CACNA2D1: variants seen among roughly 807,000 people sequenced by gnomAD.
The protein encoded by CACNA2D1 is calcium voltage-gated channel auxiliary subunit alpha2delta 1.
In CACNA2D1, 53 loss-of-function variants were observed where a neutral mutation model predicts 171.5. That is an observed-to-expected ratio of 0.31 (90% CI 0.25 to 0.39). The LOEUF (loss-of-function observed/expected upper bound fraction) is 0.39, where lower values mean the gene tolerates loss of function less well. CACNA2D1 is among the 10% of genes least tolerant of loss of function. The probability of loss-of-function intolerance (pLI) is 1.00; values close to 1 mark genes in which losing one functional copy is unlikely to be tolerated. For synonymous variants in CACNA2D1, 442 were observed against 443.1 expected, an observed-to-expected ratio of 1.00 and a Z score of 0.03; for missense variants, 903 against 1,299.8, an observed-to-expected ratio of 0.69 and a Z score of 4.69.
chr7:82,279,194 G>A (rs1809752139), intron 3 of CACNA2D1, among the ~76,000 whole-genome samples: 1 of 152,204 alleles, frequency 6.6e-6, no homozygotes, highest in African/African-American at 2.4e-5. Flanking sequence ...TAGGTTCAGA[G>A]GGGCAATAAA....
chr7:82,143,260 C>A (rs537783953), intron 4 of CACNA2D1, among the ~76,000 whole-genome samples: 1 of 152,024 alleles, frequency 6.6e-6, no homozygotes, highest in South Asian at 2.1e-4. Context: ...GAACTGAAGA[C>A]GTGATAAACC....
At chr7:82,285,088 C>G (rs954271053) in intron 3 of CACNA2D1, among the ~76,000 whole-genome samples, 1 of 152,222 alleles carries the variant, frequency 6.6e-6, no homozygotes, top group African/African-American at 2.4e-5. Flanking sequence ...CAACCACCCC[C>G]AGTGCTGCTT....
At chr7:82,257,248 G>C (rs993650875) in intron 3 of CACNA2D1, among the ~76,000 whole-genome samples, 12 of 152,172 alleles carry the variant, frequency 7.9e-5, no homozygotes, top group African/African-American at 2.9e-4. Context: ...GAGCAAACCA[G>C]CTCTAGTCAG....
At chr7:82,056,303 T>C (rs1805899226) in intron 10 of CACNA2D1, among the ~76,000 whole-genome samples, 1 of 152,108 alleles carries the variant, frequency 6.6e-6, no homozygotes, top group South Asian at 2.1e-4. Flanking sequence ...CCTAAAAGGA[T>C]CAAGATTAGA....
intron 1 of CACNA2D1, among the ~76,000 whole-genome samples, chr7:82,432,372 A>C (rs1201710301): frequency 6.6e-6 from 1 of 152,244 alleles, no homozygotes; most frequent in Non-Finnish European, 1.5e-5. Context: ...TGCAATCCTA[A>C]CCATTCATTC....
At chr7:82,136,332 C>T (rs1318292772) in intron 5 of CACNA2D1, among the ~76,000 whole-genome samples, 2 of 152,026 alleles carry the variant, frequency 1.3e-5, no homozygotes, top group Admixed American at 6.6e-5. Context: ...GATTGGATAG[C>T]TATTTTCAAT....
chr7:82,271,769 T>G (rs1166675197), intron 3 of CACNA2D1, among the ~76,000 whole-genome samples: 1 of 152,112 alleles, frequency 6.6e-6, no homozygotes, highest in Non-Finnish European at 1.5e-5. Flanking sequence ...AGCAGCTAAT[T>G]ACAATGGAAA....
intron 3 of CACNA2D1, among the ~76,000 whole-genome samples, chr7:82,216,506 G>A (rs1801111745): frequency 6.6e-6 from 1 of 152,092 alleles, no homozygotes; most frequent in South Asian, 2.1e-4. Flanking sequence ...ATATGAAGCA[G>A]TTTATCAAAA....
intron 12 of CACNA2D1, among the ~76,000 whole-genome samples, chr7:82,026,789 A>G (rs1303122736): frequency 6.6e-6 from 1 of 151,698 alleles, no homozygotes; most frequent in Non-Finnish European, 1.5e-5. Flanking sequence ...GTACATATGT[A>G]CACTATTTTA....
chr7:82,061,033 A>G (rs1053839012), intron 9 of CACNA2D1, among the ~76,000 whole-genome samples: 2 of 152,054 alleles, frequency 1.3e-5, no homozygotes, highest in Non-Finnish European at 2.9e-5. Flanking sequence ...TTTCCTCTAC[A>G]TATTCTACAA....
At position 82,361,553 on chromosome 7, in the gene CACNA2D1, T is replaced by A. The variant is rs183356033; in HGVS notation, c.96-11904A>T. On this transcript the variant is annotated intron_variant, in intron 1 of 38. Coordinates refer to ENST00000356860, the MANE Select transcript of CACNA2D1 (RefSeq NM_000722.4). The stretch of plus-strand genomic sequence containing the variant: ...AAACATTTGCTAATGTTTAAAAAAA[T>A]TATATAATTGCGATCTTTAATGTAT... 1.9e-3 allele frequency among the ~76,000 whole-genome samples: 288 copies of A among 152,278 alleles called. 1 individual carries two copies. The highest frequency in any genetic ancestry group is 6.4e-3 in the African/African-American group (268 of 41,570).
intron 3 of CACNA2D1, among the ~76,000 whole-genome samples, chr7:82,250,748 T>A (rs10262640): frequency 0.1 from 15,872 of 152,184 alleles, 1,471 homozygotes; most frequent in African/African-American, 0.25. Flanking sequence ...ATAATGGCCC[T>A]TTTGTCTGTT....
chr7:82,181,304 ACT>A (rs1306743482), intron 3 of CACNA2D1, among the ~76,000 whole-genome samples: 1 of 151,648 alleles, frequency 6.6e-6, no homozygotes, highest in Non-Finnish European at 1.5e-5. Context: ...CTGGCTTCAG[ACT>A]CTCACTATCA....
At chr7:82,066,546 A>G in intron 7 of CACNA2D1, 22 bp from the exon 8 acceptor site, 1 of 1,580,354 alleles carries the variant, frequency 6.3e-7, no homozygotes, top group Non-Finnish European at 8.6e-7. Context: ...AAAAAAAGAG[A>G]GATATTAAAT....
intron 1 of CACNA2D1, among the ~76,000 whole-genome samples, chr7:82,434,308 G>T (rs992665715): frequency 1.3e-5 from 2 of 151,940 alleles, no homozygotes; most frequent in Non-Finnish European, 2.9e-5. Context: ...AATCCCAAAC[G>T]GCCTAATATT....
intron 6 of CACNA2D1, among the ~76,000 whole-genome samples, chr7:82,104,982 C>T (rs1787563750): frequency 6.6e-6 from 1 of 152,016 alleles, no homozygotes; most frequent in African/African-American, 2.4e-5. Flanking sequence ...TTGAATTATA[C>T]TTGAAATTGA....
intron 3 of CACNA2D1, among the ~76,000 whole-genome samples, chr7:82,231,443 T>C (rs991124560): frequency 2.0e-5 from 3 of 152,202 alleles, no homozygotes; most frequent in Non-Finnish European, 4.4e-5. Context: ...ACTGTGCTTG[T>C]TTAGTAGCTG....
intron 3 of CACNA2D1, among the ~76,000 whole-genome samples, chr7:82,174,342 G>GTA (rs1265580983): frequency 6.6e-6 from 1 of 151,798 alleles, no homozygotes; most frequent in African/African-American, 2.4e-5. Flanking sequence ...ATTCAGCAAG[G>GTA]TTTATTAAAT....
intron 21 of CACNA2D1, among the ~76,000 whole-genome samples, chr7:81,987,036 C>G (rs951519558): frequency 3.3e-5 from 5 of 152,054 alleles, no homozygotes; most frequent in African/African-American, 4.8e-5. Flanking sequence ...TGGGTTACAT[C>G]TAATATACCA....
Sources: gnomAD v4.1 joint callset for allele counts (sites outside exome capture counted in the v4.1 genomes callset) on GRCh38, gnomAD v4.1.1 for gene constraint, MANE v1.5 for transcripts, NCBI Gene and HGNC (gene_info 2026-07-23, HGNC 2026-07-21) for gene names.